Variants in HS3ST4 observed in about 807,000 individuals in gnomAD.
HS3ST4 encodes the protein heparan sulfate glucosamine 3-O-sulfotransferase 4.
In HS3ST4, 17 loss-of-function variants were observed where a neutral mutation model predicts 29.2. That is an observed-to-expected ratio of 0.58 (90% confidence interval 0.40 to 0.87). HS3ST4 has a LOEUF of 0.87. HS3ST4 is among the 40% of genes least tolerant of loss of function. HS3ST4 has a pLI of 0.00. For synonymous variants in HS3ST4, 314 were observed against 285.7 expected, an observed-to-expected ratio of 1.10 and a Z score of -1.00; for missense variants, 627 against 634.5, an observed-to-expected ratio of 0.99 and a Z score of 0.13.
chr16:25,780,416 A>T (rs148811462), intron 1 of HS3ST4, among the ~76,000 whole-genome samples: 4 of 152,324 alleles, frequency 2.6e-5, no homozygotes, highest in African/African-American at 9.6e-5. Context: ...CTCTCTCTGC[A>T]TCGGTAAAGT....
At chr16:25,724,729 G>C (rs1966520272) in intron 1 of HS3ST4, among the ~76,000 whole-genome samples, 1 of 152,110 alleles carries the variant, frequency 6.6e-6, no homozygotes, top group Non-Finnish European at 1.5e-5. Context: ...ACCCGAAGTA[G>C]AGCTGGCTCA....
chr16:25,805,632 A>G (rs1966982396), intron 1 of HS3ST4, among the ~76,000 whole-genome samples: 1 of 152,122 alleles, frequency 6.6e-6, no homozygotes, highest in Non-Finnish European at 1.5e-5. Flanking sequence ...CCGGACTCCT[A>G]TCTTTGTGTC....
chr16:25,844,594 A>C (rs1021854809), intron 1 of HS3ST4, among the ~76,000 whole-genome samples: 5 of 152,208 alleles, frequency 3.3e-5, no homozygotes, highest in African/African-American at 1.2e-4. Flanking sequence ...ACGCTTTTAC[A>C]CTATTGGTAG....
chr16:25,744,088 T>C (rs1966671132), intron 1 of HS3ST4, among the ~76,000 whole-genome samples: 1 of 152,238 alleles, frequency 6.6e-6, no homozygotes, highest in Non-Finnish European at 1.5e-5. Flanking sequence ...ATGAATTAAC[T>C]ATTCCAGCTG....
intron 1 of HS3ST4, among the ~76,000 whole-genome samples, chr16:26,020,719 G>A (rs1483901890): frequency 2.0e-5 from 3 of 152,202 alleles, no homozygotes; most frequent in Non-Finnish European, 4.4e-5. Context: ...GAGCTTGCTG[G>A]AAATGAATCT....
intron 1 of HS3ST4, among the ~76,000 whole-genome samples, chr16:25,831,858 C>A (rs1219157750): frequency 2.6e-5 from 4 of 151,828 alleles, no homozygotes; most frequent in African/African-American, 9.7e-5. Flanking sequence ...ATAATCCCGG[C>A]CCTTTGAGAG....
At chr16:25,816,316 G>T (rs1444127732) in intron 1 of HS3ST4, among the ~76,000 whole-genome samples, 1 of 152,128 alleles carries the variant, frequency 6.6e-6, no homozygotes, top group African/African-American at 2.4e-5. Context: ...GCAAGGTGGA[G>T]GCCGTGGCCC....
chr16:25,934,873 A>C lies in HS3ST4; in HGVS notation c.735-200739A>C, dbSNP rs188216782. On this transcript the variant is annotated intron_variant, in intron 1 of 1. Transcript: ENST00000331351. Reference sequence around the variant, plus strand: ...TTCTCATATATTCCCCTGCCCCCGCAACCACGCATAGCCTCCTTCATATGG... The same window carrying C: ...TTCTCATATATTCCCCTGCCCCCGCCACCACGCATAGCCTCCTTCATATGG... 4.3e-3 allele frequency among the ~76,000 whole-genome samples: 659 copies of C among 152,016 alleles called. 3 individuals carry two copies. The highest frequency in any genetic ancestry group is 7.9e-3 in the South Asian group (38 of 4,818).
At chr16:25,739,510 C>A (rs1412166083) in intron 1 of HS3ST4, among the ~76,000 whole-genome samples, 5 of 151,178 alleles carry the variant, frequency 3.3e-5, no homozygotes, top group African/African-American at 4.9e-5. Context: ...TGCTTAAAAA[C>A]AAACAAACAA....
chr16:25,920,272 C>G (rs573677151), intron 1 of HS3ST4, among the ~76,000 whole-genome samples: 68 of 152,256 alleles, frequency 4.5e-4, no homozygotes, highest in African/African-American at 1.5e-3. Flanking sequence ...ATAGATCGAT[C>G]CCTTACAGGT....
At chr16:25,828,311 T>TTC (rs1567249566) in intron 1 of HS3ST4, among the ~76,000 whole-genome samples, 3 of 117,446 alleles carry the variant, frequency 2.6e-5, no homozygotes, top group Non-Finnish European at 5.3e-5. Flanking sequence ...CCTCTCTCTC[T>TTC]CTCTCTCTCT....
chr16:25,700,399 G>A (rs1403723738), intron 1 of HS3ST4, among the ~76,000 whole-genome samples: 1 of 152,122 alleles, frequency 6.6e-6, no homozygotes, highest in Admixed American at 6.5e-5. Context: ...CAGAACCGAA[G>A]GCATTTGGGA....
intron 1 of HS3ST4, among the ~76,000 whole-genome samples, chr16:25,862,185 A>G (rs1967645074): frequency 6.7e-6 from 1 of 148,828 alleles, no homozygotes; most frequent in African/African-American, 2.5e-5. Context: ...TTATTTATTT[A>G]TTTATTTATT....
In HS3ST4 at chr16:25,728,537, C is replaced by T. The variant is rs527291595; in HGVS notation, c.734+35386C>T. On this transcript the variant is annotated intron_variant, in intron 1 of 1. Coordinates refer to ENST00000331351, the MANE Select transcript of HS3ST4 (RefSeq NM_006040.3). ...TCATAAGGACTGAATAACTGATAACCGTTTATGATGATGATGATGATTAGG... is the reference window on the plus strand; with the variant it reads ...TCATAAGGACTGAATAACTGATAACTGTTTATGATGATGATGATGATTAGG... Among the ~76,000 whole-genome samples the T allele has an allele frequency of 1.2e-4, 18 of 152,158 alleles. No individual in the cohort carries two copies. The South Asian group carries it at 1.2e-3, about 11-fold the overall frequency.
chr16:25,844,348 C>A (rs558354666), intron 1 of HS3ST4, among the ~76,000 whole-genome samples: 1 of 152,176 alleles, frequency 6.6e-6, no homozygotes, highest in Non-Finnish European at 1.5e-5. Flanking sequence ...TCCAGGGATT[C>A]TTTACTGAGT....
chr16:25,907,130 T>C (rs1279723496), intron 1 of HS3ST4, among the ~76,000 whole-genome samples: 1 of 152,102 alleles, frequency 6.6e-6, no homozygotes, highest in Non-Finnish European at 1.5e-5. Flanking sequence ...CGTGAGTTTG[T>C]GGTTACAGTG....
At chr16:25,865,077 C>G (rs1317798979) in intron 1 of HS3ST4, among the ~76,000 whole-genome samples, 1 of 152,006 alleles carries the variant, frequency 6.6e-6, no homozygotes, top group Non-Finnish European at 1.5e-5. Flanking sequence ...GATTTCATAT[C>G]TTGGCTATTG....
At chr16:25,802,896 T>G (rs925835849) in intron 1 of HS3ST4, among the ~76,000 whole-genome samples, 5 of 151,444 alleles carry the variant, frequency 3.3e-5, no homozygotes, top group African/African-American at 1.2e-4. Context: ...ATTATTGCCT[T>G]ATAAGGAAGG....
chr16:25,865,561 A>T (rs1404945019), intron 1 of HS3ST4, among the ~76,000 whole-genome samples: 4 of 152,212 alleles, frequency 2.6e-5, no homozygotes, highest in Non-Finnish European at 5.9e-5. Context: ...ACACTACCTG[A>T]TTTAAAAACA....
Sources: allele counts gnomAD v4.1 joint callset (sites outside exome capture counted in the v4.1 genomes callset), GRCh38; gene constraint gnomAD v4.1.1; transcripts MANE v1.5; gene names NCBI Gene and HGNC (gene_info 2026-07-23, HGNC 2026-07-21).